The following KALRN variants were observed in gnomAD, a reference collection of about 807,000 sequenced individuals.
KALRN encodes the protein kalirin.
A neutral mutation model predicts 353.7 loss-of-function variants in KALRN; 70 were observed. That is an observed-to-expected ratio of 0.20 (90% CI 0.16 to 0.24). KALRN has a LOEUF of 0.24. Among genes scored for constraint, KALRN ranks in the 10% least tolerant of loss-of-function variants. The pLI is 1.00. For missense variants in KALRN, 2,791 were observed against 3,756.7 expected (o/e 0.74, Z 6.72); for synonymous variants, 1,391 against 1,434.8 (o/e 0.97, Z 0.69).
At position 124,446,234 on chromosome 3, in the gene KALRN, C is replaced by A; in HGVS notation, c.3387C>A (p.Asp1129Glu). Residue 1129 changes from aspartate (D) to glutamate (E), a missense_variant, in exon 20 of 60, where the codon GAC becomes GAA. Physicochemically the swap from Asp to Glu is conservative, Grantham distance 45. This residue lies in a region of KALRN where 268 missense variants were observed against 347.0 expected (regional missense o/e 0.77). Coordinates refer to ENST00000682506, the MANE Select transcript of KALRN (RefSeq NM_001388419.1). ...HFWTLKKRRLDQCQQYVVFER... is the reference protein window; with the variant it reads ...HFWTLKKRRLEQCQQYVVFER... ...GGACCTTGAAGAAGCGGCGGTTAGA[C>A]CAATGCCAGCAATATGTGGTGTTCG... 1 of 1,614,088 alleles carries A rather than the reference C, an allele frequency of 6.2e-7. No homozygotes were observed. Among genetic ancestry groups the A allele is most frequent in the South Asian group, 1.1e-5 (1 of 91,082 alleles).
chr3:124,649,971 TAATAATAATA>T (rs1006412744), intron 37 of KALRN, among the ~76,000 whole-genome samples: 38 of 77,484 alleles, frequency 4.9e-4, no homozygotes, highest in Non-Finnish European at 8.5e-4. Flanking sequence ...AATAAAATAA[TAATAATAATA>T]ATAATAATAA....
intron 1 of KALRN, among the ~76,000 whole-genome samples, chr3:124,066,787 G>GGT (rs1415327668): frequency 6.6e-6 from 1 of 152,152 alleles, no homozygotes; most frequent in Non-Finnish European, 1.5e-5. Context: ...AAGGACAGAG[G>GGT]GTGTGCCTGG....
chr3:124,643,585 A>T (rs1180709976), intron 37 of KALRN, among the ~76,000 whole-genome samples: 1 of 152,108 alleles, frequency 6.6e-6, no homozygotes, highest in Non-Finnish European at 1.5e-5. Context: ...GGGCTCAAGC[A>T]ATCTTTTCAC....
At chr3:124,171,455 C>T (rs1254521632) in intron 1 of KALRN, among the ~76,000 whole-genome samples, 11 of 152,298 alleles carry the variant, frequency 7.2e-5, no homozygotes, top group Admixed American at 6.5e-4. Flanking sequence ...AGTTTCTTTA[C>T]GTGATGGCAG....
Position 124,120,743 on chromosome 3 carries a change from TA to T in KALRN, c.73+86931del, listed in dbSNP as rs1424585808. Among the ~76,000 whole-genome samples the T allele has an allele frequency of 2.6e-4, 38 of 145,416 alleles. No individual in the cohort carries two copies. The South Asian group carries it at 5.1e-3, about 20-fold the overall frequency. ...ATATATATATATATATATATATATATATTTTCACATAATTAGCTAACTATTC... is the reference window on the plus strand; with the variant it reads ...ATATATATATATATATATATATATATTTTTCACATAATTAGCTAACTATTC... On this transcript the variant is annotated intron_variant, in intron 1 of 59. Coordinates refer to ENST00000682506, the MANE Select transcript of KALRN (RefSeq NM_001388419.1).
chr3:124,564,842 A>G (rs116184057), intron 34 of KALRN, among the ~76,000 whole-genome samples: 4,674 of 152,272 alleles, frequency 0.031, 119 homozygotes, highest in Non-Finnish European at 0.044. Context: ...GTGAAGTCCA[A>G]GTGGCAGAGG....
intron 1 of KALRN, among the ~76,000 whole-genome samples, chr3:124,077,916 T>C (rs1005637449): frequency 8.5e-5 from 13 of 152,202 alleles, no homozygotes; most frequent in Admixed American, 1.3e-4. Context: ...TGGGCAGTTT[T>C]CTTGACTTCT....
intron 48 of KALRN, among the ~76,000 whole-genome samples, chr3:124,673,210 A>G (rs763931217): frequency 2.1e-5 from 3 of 142,026 alleles, no homozygotes; most frequent in Non-Finnish European, 4.5e-5. Flanking sequence ...CATAGCAAGA[A>G]CTCATCTCTA....
intron 17 of KALRN, among the ~76,000 whole-genome samples, chr3:124,437,897 A>G (rs2093535058): frequency 6.6e-6 from 1 of 152,166 alleles, no homozygotes; most frequent in Non-Finnish European, 1.5e-5. Flanking sequence ...ACAGATATGT[A>G]CATTCTCCCA....
intron 1 of KALRN, among the ~76,000 whole-genome samples, chr3:124,076,876 T>C (rs2060286242): frequency 6.6e-6 from 1 of 152,222 alleles, no homozygotes; most frequent in Non-Finnish European, 1.5e-5. Context: ...GCGGCAAATA[T>C]GCACTTTCTT....
chr3:124,171,768 C>T (rs2071878853), intron 1 of KALRN, among the ~76,000 whole-genome samples: 1 of 152,176 alleles, frequency 6.6e-6, no homozygotes, highest in African/African-American at 2.4e-5. Flanking sequence ...TGAGGAATTC[C>T]TGCCTGTGGA....
At chr3:124,238,170 A>C (rs2080017087) in intron 3 of KALRN, among the ~76,000 whole-genome samples, 2 of 152,102 alleles carry the variant, frequency 1.3e-5, no homozygotes, top group African/African-American at 4.8e-5. Context: ...ACATTAAGGC[A>C]CCCACAATCC....
At chr3:124,600,337 T>A (rs1430134824) in intron 34 of KALRN, among the ~76,000 whole-genome samples, 1 of 152,254 alleles carries the variant, frequency 6.6e-6, no homozygotes, top group Non-Finnish European at 1.5e-5. Context: ...TATTCCAAAG[T>A]CACAGATCCT....
intron 6 of KALRN, among the ~76,000 whole-genome samples, chr3:124,323,516 A>G (rs2079562837): frequency 6.6e-6 from 1 of 152,168 alleles, no homozygotes; most frequent in Non-Finnish European, 1.5e-5. Flanking sequence ...AGGTGTTAAG[A>G]GTCTACAGAG....
intron 4 of KALRN, among the ~76,000 whole-genome samples, chr3:124,267,699 G>A (rs2073726689): frequency 6.6e-6 from 1 of 152,194 alleles, no homozygotes. Flanking sequence ...GAAAGAGAAG[G>A]AACAAAGAGG....
At chr3:124,556,862 GT>G (rs1284331343) in intron 33 of KALRN, among the ~76,000 whole-genome samples, 1 of 152,144 alleles carries the variant, frequency 6.6e-6, no homozygotes, top group Non-Finnish European at 1.5e-5. Flanking sequence ...TTTTCCTTCT[GT>G]TTCCTATGAA....
At chr3:124,090,621 T>A (rs2061060370) in intron 1 of KALRN, among the ~76,000 whole-genome samples, 2 of 152,146 alleles carry the variant, frequency 1.3e-5, no homozygotes, top group East Asian at 3.9e-4. Context: ...AATGGGGGAC[T>A]CAGAATCTCC....
intron 57 of KALRN, among the ~76,000 whole-genome samples, chr3:124,707,707 C>T (rs2150745411): frequency 6.6e-6 from 1 of 152,268 alleles, no homozygotes; most frequent in East Asian, 1.9e-4. Context: ...CACTGCTTCA[C>T]CCCGAGGGCA....
chr3:124,657,757 A>C lies in KALRN; in HGVS notation c.5990A>C (p.Lys1997Thr). Residue 1997 changes from lysine to threonine, a missense_variant, in exon 41 of 60, where the codon AAG becomes ACG. Transcript: ENST00000682506. ...HKDFFLAELE[K>T]CIQEQDRLAQ... ...AGTTTTTTCCTGGCGGAACTGGAAA[A>C]GTGTATCCAGGAGCAAGACAGATTG... The C allele has an allele frequency of 6.2e-7, 1 of 1,613,798 alleles. No individual in the cohort carries two copies.
Sources: gnomAD v4.1 joint callset for allele counts (sites outside exome capture counted in the v4.1 genomes callset) on GRCh38, gnomAD v4.1.1 for gene constraint, gnomAD v4.1.1 regional missense constraint, MANE v1.5 for transcripts, NCBI Gene and HGNC (gene_info 2026-07-23, HGNC 2026-07-21) for gene names.